The following CHST8 variants were observed in gnomAD, a reference collection of about 807,000 sequenced individuals.
CHST8 encodes the protein carbohydrate sulfotransferase 8, also known as GALNAC-4-ST1.
A neutral mutation model predicts 15.0 loss-of-function variants in CHST8; 10 were observed. The observed-to-expected ratio is 0.67, with a 90% CI of 0.41 to 1.13. The LOEUF (loss-of-function observed/expected upper bound fraction) is 1.13. CHST8 is among the 50% of genes most tolerant of loss of function. CHST8 has a pLI of 0.00. For synonymous variants in CHST8, 259 were observed against 256.6 expected, an observed-to-expected ratio of 1.01 and a Z score of -0.09; for missense variants, 634 against 608.2, an observed-to-expected ratio of 1.04 and a Z score of -0.45.
intron 3 of CHST8, among the ~76,000 whole-genome samples, chr19:33,727,113 C>T (rs1973916591): frequency 6.6e-6 from 1 of 151,968 alleles, no homozygotes; most frequent in Non-Finnish European, 1.5e-5. Context: ...CCACTTCTGG[C>T]CACGCGTCCT....
intron 1 of CHST8, among the ~76,000 whole-genome samples, chr19:33,638,680 A>C (rs749670004): frequency 6.6e-6 from 1 of 152,192 alleles, no homozygotes; most frequent in Non-Finnish European, 1.5e-5. Flanking sequence ...AAGGGAGTTA[A>C]GGCTTCATCC....
chr19:33,759,531 G>A (rs916268654), intron 3 of CHST8, among the ~76,000 whole-genome samples: 5 of 152,170 alleles, frequency 3.3e-5, no homozygotes, highest in African/African-American at 4.8e-5. Context: ...GAGAAGTGCT[G>A]GTATCATGCC....
At chr19:33,630,933 T>G (rs192248264) in intron 1 of CHST8, among the ~76,000 whole-genome samples, 2 of 152,232 alleles carry the variant, frequency 1.3e-5, no homozygotes, top group Non-Finnish European at 2.9e-5. Context: ...TTCCTGTGGC[T>G]GAGCTCAGCC....
At chr19:33,647,249 C>T (rs142717081) in intron 1 of CHST8, among the ~76,000 whole-genome samples, 1 of 152,242 alleles carries the variant, frequency 6.6e-6, no homozygotes, top group East Asian at 1.9e-4. Context: ...GAGGAAGACC[C>T]AAAGCAAGGC....
chr19:33,690,463 T>C (rs943627793), intron 3 of CHST8, among the ~76,000 whole-genome samples: 1 of 152,088 alleles, frequency 6.6e-6, no homozygotes, highest in Admixed American at 6.5e-5. Flanking sequence ...TAGTGCAGAT[T>C]GAGGGCCTGT....
rs71181381 is a variant in CHST8, at chr19:33,765,070, A to ATATATATATATATATATATGTATG, written c.131-6340_131-6339insATATATATATATATATGTATGTAT. ...TATTCCATCATATATATATATATAT[A>ATATATATATATATATATATGTATG]TATCAGAGTTTCTTTATCCACTCGT... On this transcript the variant is annotated intron_variant, in intron 3 of 4. Coordinates refer to ENST00000650847, the MANE Select transcript of CHST8 (RefSeq NM_001127895.2). Among the ~76,000 whole-genome samples, 65 of 113,138 alleles carry ATATATATATATATATATATGTATG rather than the reference A, an allele frequency of 5.7e-4. 1 individual carries two copies. The highest frequency in any genetic ancestry group is 1.2e-3 in the African/African-American group (28 of 23,834). The allele number at this position is 113,138 out of a possible 152,430, so 74.2% of individuals were successfully genotyped here. A position where few individuals can be genotyped will look rare whatever the true frequency, so the allele number is the denominator to read the frequency against.
chr19:33,754,493 C>G (rs1202741426), intron 3 of CHST8, among the ~76,000 whole-genome samples: 2 of 152,194 alleles, frequency 1.3e-5, no homozygotes, highest in African/African-American at 2.4e-5. Context: ...TATGCCTGCT[C>G]TCATCCCCTT....
chr19:33,663,799 G>A (rs770008279), intron 1 of CHST8, among the ~76,000 whole-genome samples: 1 of 152,118 alleles, frequency 6.6e-6, no homozygotes, highest in Non-Finnish European at 1.5e-5. Flanking sequence ...GAACTCGGGA[G>A]GTGGAGTTTG....
At chr19:33,743,048 C>T (rs746170289) in intron 3 of CHST8, among the ~76,000 whole-genome samples, 1 of 152,156 alleles carries the variant, frequency 6.6e-6, no homozygotes, top group Non-Finnish European at 1.5e-5. Flanking sequence ...AGGCATTCTG[C>T]CCTCTGCAAT....
At chr19:33,730,533 G>A (rs556307481) in intron 3 of CHST8, among the ~76,000 whole-genome samples, 4 of 152,286 alleles carry the variant, frequency 2.6e-5, no homozygotes, top group East Asian at 1.9e-4. Context: ...CTGCCTACTC[G>A]AGTTCATTGG....
At chr19:33,724,479 G>T (rs1387458714) in intron 3 of CHST8, among the ~76,000 whole-genome samples, 1 of 151,256 alleles carries the variant, frequency 6.6e-6, no homozygotes, top group Non-Finnish European at 1.5e-5. Flanking sequence ...TGGCTGCGGG[G>T]CTGGCAGCCG....
chr19:33,652,190 C>T (rs889696450), intron 1 of CHST8, among the ~76,000 whole-genome samples: 1 of 151,746 alleles, frequency 6.6e-6, no homozygotes. Context: ...TTTTTTTTGG[C>T]CTTACATTCT....
intron 3 of CHST8, among the ~76,000 whole-genome samples, chr19:33,748,126 A>C (rs548146218): frequency 6.6e-6 from 1 of 152,264 alleles, no homozygotes; most frequent in East Asian, 1.9e-4. Context: ...ACCCAAAGCC[A>C]GGCTGTTCGC....
At position 33,658,990 on chromosome 19, in the gene CHST8, T is replaced by C. The variant is rs148581256; in HGVS notation, c.-163-8777T>C. 3.0e-3 allele frequency among the ~76,000 whole-genome samples: 454 copies of C among 151,976 alleles called. 2 individuals are homozygous for C. Among genetic ancestry groups the C allele is most frequent in the African/African-American group, 0.01 (416 of 41,524 alleles). On this transcript the variant is annotated intron_variant, in intron 1 of 4. Transcript: ENST00000650847. ...TATACTTTTCTACTAAAAACAATGC[T>C]ATAGCCAATGATTTTATTTCTCTCT...
intron 1 of CHST8, among the ~76,000 whole-genome samples, chr19:33,647,795 G>A (rs773939774): frequency 2.6e-5 from 4 of 151,950 alleles, no homozygotes; most frequent in African/African-American, 9.7e-5. Context: ...GCAGTGAGCC[G>A]AGATCATGCC....
chr19:33,757,475 A>G (rs865784247), intron 3 of CHST8, among the ~76,000 whole-genome samples: 1 of 44,348 alleles, frequency 2.3e-5, no homozygotes, highest in African/African-American at 9.0e-5. Flanking sequence ...AGAAAGAAAG[A>G]AAGAAAGAAA....
In CHST8 at chr19:33,719,126, G is replaced by A. The variant is rs113201744; in HGVS notation, c.130+29735G>A. ...GCAGCCAAAGACCAGGCGAACTCAG[G>A]CGGGTGTCTACCACCTCCAAAATAA... On this transcript the variant is annotated intron_variant, in intron 3 of 4. Coordinates refer to ENST00000650847, the MANE Select transcript of CHST8 (RefSeq NM_001127895.2). 2.1e-3 allele frequency among the ~76,000 whole-genome samples: 320 copies of A among 152,250 alleles called. 1 individual carries two copies. Among genetic ancestry groups the A allele is most frequent in the African/African-American group, 7.3e-3 (304 of 41,532 alleles).
At chr19:33,667,249 C>T (rs1972675765) in intron 1 of CHST8, among the ~76,000 whole-genome samples, 1 of 152,160 alleles carries the variant, frequency 6.6e-6, no homozygotes, top group Admixed American at 6.5e-5. Context: ...TTCCTTGGGT[C>T]TAGGTTTCGC....
At chr19:33,765,687 G>A (rs777055325) in intron 3 of CHST8, among the ~76,000 whole-genome samples, 1 of 151,922 alleles carries the variant, frequency 6.6e-6, no homozygotes, top group South Asian at 2.1e-4. Flanking sequence ...TCAGCCTTTC[G>A]AGTAGCTGGG....
Sources: allele counts gnomAD v4.1 joint callset (sites outside exome capture counted in the v4.1 genomes callset), GRCh38; gene constraint gnomAD v4.1.1; transcripts MANE v1.5; gene names NCBI Gene and HGNC (gene_info 2026-07-23, HGNC 2026-07-21).